The following BAZ2B variants were observed in gnomAD, a reference collection of about 807,000 sequenced individuals.
BAZ2B encodes bromodomain adjacent to zinc finger domain protein 2B.
BAZ2B carries 91 observed loss-of-function variants against 246.0 expected under a neutral mutation model. That is an observed-to-expected ratio of 0.37 (90% CI 0.31 to 0.44). The LOEUF (loss-of-function observed/expected upper bound fraction) is 0.44. Among genes scored for constraint, BAZ2B ranks in the 20% least tolerant of loss-of-function variants. BAZ2B has a pLI of 1.00. For missense variants in BAZ2B, 2,332 were observed against 2,533.7 expected, an observed-to-expected ratio of 0.92 and a Z score of 1.71; for synonymous variants, 855 against 860.0, an observed-to-expected ratio of 0.99 and a Z score of 0.10.
chr2:159,601,592 G>A (rs1318262333), intron 1 of BAZ2B, among the ~76,000 whole-genome samples: 1 of 152,008 alleles, frequency 6.6e-6, no homozygotes, highest in Non-Finnish European at 1.5e-5. Flanking sequence ...GTGATGGCAG[G>A]TGCCTGTAAT....
intron 3 of BAZ2B, among the ~76,000 whole-genome samples, chr2:159,471,185 C>G (rs185632993): frequency 6.6e-6 from 1 of 152,272 alleles, no homozygotes; most frequent in Admixed American, 6.5e-5. Context: ...GATGACACTG[C>G]TGTGAGTTGG....
At chr2:159,711,627 C>G in the BAZ2B span, among the ~76,000 whole-genome samples, 4 of 152,146 alleles carry the variant, frequency 2.6e-5, no homozygotes, top group Admixed American at 6.5e-5. Context: ...CATTAAAAAA[C>G]TTTTGATTCA....
At position 159,412,481 on chromosome 2, in the gene BAZ2B, C is replaced by T. The variant is rs201236160; in HGVS notation, c.2531G>A (p.Arg844His). 649 of 1,614,060 alleles carry T rather than the reference C, an allele frequency of 4.0e-4. No individual in the cohort carries two copies. The highest frequency in any genetic ancestry group is 5.1e-4 in the Non-Finnish European group (598 of 1,179,984). ...ATCTGGATTTGGTGGTCTTCCTCTA[C>T]GACCTTCCATTGCCCTGATACGAGG... ...VIPRIRAMEG[R>H]RGRPPNPDRQ... The change falls in exon 14 of 37, where the codon CGT (arginine) becomes CAT (histidine). Residue 844 changes from arginine to histidine, a missense_variant. Physicochemically the swap from Arg to His is conservative, Grantham distance 29 (BLOSUM62 0). This residue lies in a region of BAZ2B where 651 missense variants were observed against 650.9 expected (regional missense o/e 1.00). Transcript: ENST00000392783.
At chr2:159,429,011 G>C (rs1341155175) in intron 11 of BAZ2B, among the ~76,000 whole-genome samples, 189 bp downstream of exon 11, 4 of 151,996 alleles carry the variant, frequency 2.6e-5, no homozygotes, top group African/African-American at 9.7e-5. Context: ...ATACCTCCAG[G>C]AAACAGGATT....
At chr2:159,634,609 G>A in the BAZ2B span, among the ~76,000 whole-genome samples, 1 of 152,100 alleles carries the variant, frequency 6.6e-6, no homozygotes, top group Non-Finnish European at 1.5e-5. Context: ...TTTCGCTGCT[G>A]GTTTAATGAA....
chr2:159,637,908 A>G, the BAZ2B span, among the ~76,000 whole-genome samples: 3 of 152,336 alleles, frequency 2.0e-5, no homozygotes, highest in East Asian at 5.8e-4. Context: ...CCCAGACAGC[A>G]TCTCTGGATA....
chr2:159,706,409 G>A, the BAZ2B span, among the ~76,000 whole-genome samples: 1 of 152,150 alleles, frequency 6.6e-6, no homozygotes, highest in Non-Finnish European at 1.5e-5. Flanking sequence ...AATGCTCAAG[G>A]AATTTATATC....
chr2:159,474,519 G>A (rs974565029), intron 3 of BAZ2B, among the ~76,000 whole-genome samples: 1 of 152,110 alleles, frequency 6.6e-6, no homozygotes, highest in Non-Finnish European at 1.5e-5. Context: ...CAATTTGCCA[G>A]TCTGTGTCCT....
At chr2:159,329,136 G>GAAAAAAAAAAAA (rs567964390) in intron 34 of BAZ2B, among the ~76,000 whole-genome samples, 1 of 73,440 alleles carries the variant, frequency 1.4e-5, no homozygotes, top group African/African-American at 4.4e-5. Flanking sequence ...GTCTTAATAG[G>GAAAAAAAAAAAA]AAAAAAAAAA....
downstream of BAZ2B, among the ~76,000 whole-genome samples, chr2:159,315,480 T>G (rs1377971679): frequency 1.3e-5 from 2 of 152,180 alleles, no homozygotes; most frequent in African/African-American, 4.8e-5. Context: ...AAGGATCCAC[T>G]TCTAAGATGC....
At chr2:159,479,103 AAC>A (rs1394342513) in intron 2 of BAZ2B, among the ~76,000 whole-genome samples, 4 of 152,286 alleles carry the variant, frequency 2.6e-5, no homozygotes, top group African/African-American at 9.6e-5. Context: ...ATTAAAAAAA[AAC>A]ACCACCACAT....
At chr2:159,424,644 G>A (rs1330938143) in intron 13 of BAZ2B, among the ~76,000 whole-genome samples, 1 of 152,088 alleles carries the variant, frequency 6.6e-6, no homozygotes, top group Admixed American at 6.5e-5. Flanking sequence ...TGTTTTAATA[G>A]GAGAGTGATT....
chr2:159,506,977 A>T (rs1381721169), intron 2 of BAZ2B, among the ~76,000 whole-genome samples: 1 of 152,210 alleles, frequency 6.6e-6, no homozygotes, highest in Non-Finnish European at 1.5e-5. Context: ...TCCATTACTC[A>T]CACACAAATC....
intron 1 of BAZ2B, among the ~76,000 whole-genome samples, chr2:159,600,923 A>AG (rs1691978774): frequency 6.6e-6 from 1 of 152,200 alleles, no homozygotes; most frequent in South Asian, 2.1e-4. Context: ...AATCTGACTA[A>AG]GCAGACAAAA....
the BAZ2B span, among the ~76,000 whole-genome samples, chr2:159,639,311 A>G: frequency 6.6e-6 from 1 of 152,232 alleles, no homozygotes; most frequent in Non-Finnish European, 1.5e-5. Flanking sequence ...ATCTGAAAGA[A>G]AAGGACATTC....
intron 27 of BAZ2B, among the ~76,000 whole-genome samples, chr2:159,367,289 A>G (rs2060319990): frequency 6.6e-6 from 1 of 152,162 alleles, no homozygotes; most frequent in Non-Finnish European, 1.5e-5. Context: ...GAACCACTGT[A>G]GGGGCTCAGA....
intron 2 of BAZ2B, among the ~76,000 whole-genome samples, chr2:159,485,621 C>T (rs2079732230): frequency 6.6e-6 from 1 of 151,950 alleles, no homozygotes; most frequent in South Asian, 2.1e-4. Context: ...AGTTTCCTTA[C>T]CTAAAAAATT....
intron 11 of BAZ2B, 40 bp from the exon 12 acceptor site, chr2:159,428,459 T>A: frequency 6.8e-7 from 1 of 1,463,688 alleles, no homozygotes; most frequent in Non-Finnish European, 9.4e-7. Flanking sequence ...ATACTTAATT[T>A]CAAGAAAGCT....
the BAZ2B span, among the ~76,000 whole-genome samples, chr2:159,708,100 T>G: frequency 6.6e-6 from 1 of 152,002 alleles, no homozygotes; most frequent in African/African-American, 2.4e-5. Flanking sequence ...CACTTGAGGC[T>G]TGGAGTTTGG....
Sources: gnomAD v4.1 joint callset for allele counts (sites outside exome capture counted in the v4.1 genomes callset) on GRCh38, gnomAD v4.1.1 for gene constraint, gnomAD v4.1.1 regional missense constraint, MANE v1.5 for transcripts, NCBI Gene and HGNC (gene_info 2026-07-23, HGNC 2026-07-21) for gene names.